Variants in FAT3 observed in about 807,000 individuals in gnomAD.
The protein encoded by FAT3 is FAT atypical cadherin 3, also known as protocadherin Fat 3.
A neutral mutation model predicts 310.2 loss-of-function variants in FAT3; 95 were observed. The ratio of observed to expected loss-of-function variants is 0.31; its 90% CI spans 0.26 to 0.36. FAT3 has a LOEUF of 0.36. Ranked by LOEUF, FAT3 falls within the 10% of genes least tolerant of loss-of-function variation. The pLI is 1.00. For synonymous variants in FAT3, 2,314 were observed against 2,192.9 expected (o/e 1.06, Z -1.54); for missense variants, 5,408 against 5,715.6 (o/e 0.95, Z 1.74).
intron 3 of FAT3, among the ~76,000 whole-genome samples, chr11:92,591,765 A>G (rs1001593264): frequency 1.3e-5 from 2 of 152,334 alleles, no homozygotes; most frequent in East Asian, 3.9e-4. Context: ...TGCAGGCAGA[A>G]TAGCAAGAAT....
intron 2 of FAT3, among the ~76,000 whole-genome samples, chr11:92,479,246 A>G (rs933090042): frequency 6.6e-6 from 1 of 151,290 alleles, no homozygotes; most frequent in African/African-American, 2.4e-5. Flanking sequence ...CCTGGGCCCA[A>G]GCATCCTGCC....
At chr11:92,519,165 C>G (rs904423573) in intron 2 of FAT3, among the ~76,000 whole-genome samples, 1 of 152,202 alleles carries the variant, frequency 6.6e-6, no homozygotes, top group South Asian at 2.1e-4. Flanking sequence ...CTACATTAAT[C>G]AAGACAATGT....
chr11:92,651,636 C>T (rs1403118997), intron 3 of FAT3, among the ~76,000 whole-genome samples: 1 of 152,164 alleles, frequency 6.6e-6, no homozygotes, highest in East Asian at 1.9e-4. Flanking sequence ...CAAGGGTGCA[C>T]AATAAATTCT....
intron 3 of FAT3, among the ~76,000 whole-genome samples, chr11:92,571,821 C>T (rs1463351819): frequency 6.6e-6 from 1 of 152,148 alleles, no homozygotes; most frequent in Non-Finnish European, 1.5e-5. Flanking sequence ...CTTCCTTCTG[C>T]ATTTGATTTC....
chr11:92,805,251 T>G lies in FAT3; in HGVS notation c.8995T>G (p.Phe2999Val). 1 of 1,613,930 alleles carries G rather than the reference T, an allele frequency of 6.2e-7. No homozygotes were observed. Among genetic ancestry groups the G allele is most frequent in the South Asian group, 1.1e-5 (1 of 91,074 alleles). The change falls in exon 11 of 28, where the codon TTT (phenylalanine) becomes GTT (valine). Residue 2999 changes from phenylalanine (F) to valine (V), a missense_variant. Phe to Val is a conservative substitution (Grantham distance 50, BLOSUM62 -1). Around this residue, in one of 5 missense-constraint regions of FAT3, gnomAD observed 4,588 missense variants for 4,809.8 expected, o/e 0.95. Coordinates refer to ENST00000525166, the MANE Select transcript of FAT3 (RefSeq NM_001367949.2). ...AGACAGAGAAGAACAGGACATTTAC[T>G]TTCTCAATATCACTGCCACTGATGG... ...PLDREEQDIY[F>V]LNITATDGLF...
intron 13 of FAT3, among the ~76,000 whole-genome samples, chr11:92,823,532 A>T (rs1948024464): frequency 6.6e-6 from 1 of 152,112 alleles, no homozygotes; most frequent in Non-Finnish European, 1.5e-5. Context: ...GAGTGTCTTA[A>T]TACTGTTTAA....
intron 2 of FAT3, among the ~76,000 whole-genome samples, chr11:92,383,721 G>A (rs1423780481): frequency 2.0e-5 from 3 of 152,140 alleles, no homozygotes; most frequent in African/African-American, 7.2e-5. Flanking sequence ...TTATCCTCCA[G>A]GATCTCATGA....
At chr11:92,400,250 A>G (rs1949982347) in intron 2 of FAT3, 1 of 152,224 alleles carries the variant, frequency 6.6e-6, no homozygotes, top group Non-Finnish European at 1.5e-5. Context: ...TTAGTGAGGT[A>G]ATGCCAAAGA....
Position 92,801,252 on chromosome 11 carries a change from C to A in FAT3, c.8239C>A (p.Arg2747=), listed in dbSNP as rs200763217. Residue 2747 remains arginine, a synonymous_variant, in exon 10 of 28, where the codon CGG becomes AGG. Transcript: ENST00000525166. ...CTGGTTCAGCACAGTTAATGGGGAACGGCCAGAAAATAACAAAGGGGGCAT... is the reference window on the plus strand; with the variant it reads ...CTGGTTCAGCACAGTTAATGGGGAAAGGCCAGAAAATAACAAAGGGGGCAT... ...NVWFSTVNGE[R]PENNKGGIFV... is the part of the protein sequence containing the mutation. The A allele has an allele frequency of 3.7e-6, 6 of 1,613,714 alleles. No individual in the cohort carries two copies. Among genetic ancestry groups the A allele is most frequent in the South Asian group, 1.1e-5 (1 of 91,062 alleles).
chr11:92,680,712 C>T (rs1461285597), intron 3 of FAT3, among the ~76,000 whole-genome samples: 2 of 152,276 alleles, frequency 1.3e-5, no homozygotes, highest in African/African-American at 4.8e-5. Context: ...CAAGTGCTTG[C>T]AACACATCTC....
Position 92,354,643 on chromosome 11 carries a change from C to T in FAT3, c.2531C>T (p.Ser844Leu). Residue 844 changes from serine (S) to leucine (L), a missense_variant, in exon 2 of 28, where the codon TCA (serine) becomes TTA (leucine). Ser to Leu is a moderately radical substitution (Grantham distance 145). Transcript: ENST00000525166. ...TACTCAGTTAACATTCTTGAAAGTT[C>T]AGGCATTGGTACTGAAATCATTCAA... ...DSYSVNILES[S>L]GIGTEIIQVE... is the part of the protein sequence containing the mutation. 1 of 1,613,794 alleles carries T rather than the reference C, an allele frequency of 6.2e-7. No individual in the cohort carries two copies. Among genetic ancestry groups the T allele is most frequent in the Non-Finnish European group, 8.5e-7 (1 of 1,179,870 alleles).
At chr11:92,608,868 G>T (rs1274511784) in intron 3 of FAT3, among the ~76,000 whole-genome samples, 2 of 152,262 alleles carry the variant, frequency 1.3e-5, no homozygotes, top group South Asian at 2.1e-4. Context: ...ACCTCCCTTT[G>T]CAGGGGCCTG....
At chr11:92,226,618 G>A (rs925375112) in intron 1 of FAT3, among the ~76,000 whole-genome samples, 2 of 152,042 alleles carry the variant, frequency 1.3e-5, no homozygotes, top group South Asian at 4.1e-4. Context: ...GACGTCGGGG[G>A]CGGGGAGGCT....
chr11:92,780,696 T>G (rs11827255), intron 7 of FAT3, among the ~76,000 whole-genome samples: 7,109 of 152,206 alleles, frequency 0.047, 318 homozygotes, highest in East Asian at 0.21. Flanking sequence ...CTGGCCCTAC[T>G]AGTTATGAAG....
chr11:92,241,285 T>A (rs1279819388), intron 1 of FAT3, among the ~76,000 whole-genome samples: 1 of 152,086 alleles, frequency 6.6e-6, no homozygotes, highest in Non-Finnish European at 1.5e-5. Context: ...GCTTTTCATT[T>A]CAGGATCTCC....
intron 2 of FAT3, among the ~76,000 whole-genome samples, chr11:92,486,720 C>T (rs1952419524): frequency 1.3e-5 from 2 of 152,140 alleles, no homozygotes; most frequent in South Asian, 2.1e-4. Flanking sequence ...CTTTGTCTGG[C>T]TTTGCATGGC....
chr11:92,486,129 G>GTTTTTTTTTTTT lies in FAT3; in HGVS notation c.3293-38505_3293-38504insTTTTTTTTTTTT, dbSNP rs1565353395. Reference sequence around the variant, plus strand: ...TGTGAAATAGAGGAGAGGCTGCTGGGGTTTTTTTTTTTTTTTTTTTTTTTT... The same window carrying GTTTTTTTTTTTT: ...TGTGAAATAGAGGAGAGGCTGCTGGGTTTTTTTTTTTTGTTTTTTTTTTTTTTTTTTTTTTTT... On this transcript the variant is annotated intron_variant, in intron 2 of 27. Coordinates refer to ENST00000525166, the MANE Select transcript of FAT3 (RefSeq NM_001367949.2). 2.1e-3 allele frequency among the ~76,000 whole-genome samples: 58 copies of GTTTTTTTTTTTT among 27,668 alleles called. 4 individuals are homozygous for GTTTTTTTTTTTT. The highest frequency in any genetic ancestry group is 4.2e-3 in the African/African-American group (50 of 11,772). The allele number at this position is 27,668 out of a possible 152,430, so 18.2% of individuals were successfully genotyped here.
Position 92,792,954 on chromosome 11 carries a change from A to C in FAT3, c.4799A>C (p.Glu1600Ala). 14 of 1,613,656 alleles carry C rather than the reference A, an allele frequency of 8.7e-6. No individual in the cohort carries two copies. Among genetic ancestry groups the C allele is most frequent in the Non-Finnish European group, 1.2e-5 (14 of 1,179,716 alleles). The change falls in exon 9 of 28, where the codon GAA (glutamate) becomes GCA (alanine). Residue 1600 changes from glutamate (E) to alanine (A), a missense_variant. Glu to Ala is a moderately radical substitution (Grantham distance 107). Transcript: ENST00000525166. ...ALDKDKGENAELIYTIEAGNT... is the reference protein window; with the variant it reads ...ALDKDKGENAALIYTIEAGNT... ...GACAAAGACAAAGGAGAAAATGCAGAACTCATATATACCATAGAAGCAGGT... is the reference window on the plus strand; with the variant it reads ...GACAAAGACAAAGGAGAAAATGCAGCACTCATATATACCATAGAAGCAGGT...
intron 1 of FAT3, among the ~76,000 whole-genome samples, chr11:92,348,902 C>T (rs1948486738): frequency 6.6e-6 from 1 of 152,108 alleles, no homozygotes; most frequent in African/African-American, 2.4e-5. Context: ...TACATTAGTA[C>T]TTAGGGTTCT....
Sources: allele counts gnomAD v4.1 joint callset (sites outside exome capture counted in the v4.1 genomes callset), GRCh38; gene constraint gnomAD v4.1.1; regional missense constraint gnomAD v4.1.1; transcripts MANE v1.5; gene names NCBI Gene and HGNC (gene_info 2026-07-23, HGNC 2026-07-21).